PCDH7: variants seen among roughly 807,000 people sequenced by gnomAD.
PCDH7 encodes the protein protocadherin-7.
PCDH7 carries 17 observed loss-of-function variants against 58.9 expected under a neutral mutation model. That is an observed-to-expected ratio of 0.29 (90% CI 0.20 to 0.43). The LOEUF is 0.43. Among genes scored for constraint, PCDH7 ranks in the 20% least tolerant of loss-of-function variants. The pLI is 1.00. For missense variants in PCDH7, 1,274 were observed against 1,441.0 expected (o/e 0.88, Z 1.88); for synonymous variants, 664 against 616.4 (o/e 1.08, Z -1.14).
intron 1 of PCDH7, among the ~76,000 whole-genome samples, chr4:30,875,772 T>G (rs1412257254): frequency 6.6e-6 from 1 of 152,108 alleles, no homozygotes; most frequent in Non-Finnish European, 1.5e-5. Flanking sequence ...AAGTGAACAT[T>G]ATTCATCCAA....
intron 2 of PCDH7, chr4:30,925,777 T>C (rs1290104543): frequency 6.6e-6 from 1 of 152,186 alleles, no homozygotes; most frequent in East Asian, 1.9e-4. Flanking sequence ...ATAGAGACTG[T>C]CTCTAAGCCA....
intron 3 of PCDH7, among the ~76,000 whole-genome samples, chr4:31,035,247 CTTTTT>C (rs35099580): frequency 4.0e-5 from 4 of 99,376 alleles, no homozygotes; most frequent in South Asian, 3.8e-4. Context: ...CCTTTTTTCC[CTTTTT>C]TTTTTTTTTT....
chr4:31,026,756 A>T (rs1378476921), intron 3 of PCDH7, among the ~76,000 whole-genome samples: 1 of 132,390 alleles, frequency 7.6e-6, no homozygotes, highest in Non-Finnish European at 1.8e-5. Context: ...CTTTGGGGGG[A>T]AAAAACCTGC....
chr4:30,883,961 G>T (rs566863356), intron 1 of PCDH7, among the ~76,000 whole-genome samples: 5 of 152,064 alleles, frequency 3.3e-5, no homozygotes, highest in Non-Finnish European at 5.9e-5. Flanking sequence ...TTGACAAATT[G>T]GTTCCTTTAA....
intron 3 of PCDH7, among the ~76,000 whole-genome samples, chr4:31,077,189 T>C (rs563063831): frequency 2.6e-5 from 4 of 152,146 alleles, no homozygotes; most frequent in African/African-American, 9.6e-5. Flanking sequence ...GGCGAGCAGA[T>C]CACCTGAGGT....
intron 1 of PCDH7, among the ~76,000 whole-genome samples, chr4:30,873,444 T>C (rs1472501411): frequency 6.6e-6 from 1 of 152,156 alleles, no homozygotes; most frequent in Admixed American, 6.6e-5. Flanking sequence ...GGCTACCCAA[T>C]GTTATGTTAA....
Position 30,887,506 on chromosome 4 carries a change from G to A in PCDH7, c.71-32647G>A, listed in dbSNP as rs1024539829. 2.6e-5 allele frequency among the ~76,000 whole-genome samples: 4 copies of A among 152,272 alleles called. 1 individual carries two copies. The highest frequency in any genetic ancestry group is 2.1e-4 in the South Asian group (1 of 4,828). ...CATTATCAAGCCCTCCAAATGGAATGGAGGGCTACAGCAAAAGGTAGACAC... is the reference window on the plus strand; with the variant it reads ...CATTATCAAGCCCTCCAAATGGAATAGAGGGCTACAGCAAAAGGTAGACAC... On this transcript the variant is annotated intron_variant, in intron 1 of 3. Transcript: ENST00000509759.
intron 1 of PCDH7, among the ~76,000 whole-genome samples, chr4:30,874,113 C>T (rs534521992): frequency 2.6e-5 from 4 of 152,086 alleles, no homozygotes; most frequent in African/African-American, 4.8e-5. Context: ...TAAACTAGTT[C>T]GACCATTGTG....
At chr4:31,135,338 T>C (rs1157659224) in intron 3 of PCDH7, among the ~76,000 whole-genome samples, 1 of 152,172 alleles carries the variant, frequency 6.6e-6, no homozygotes, top group Non-Finnish European at 1.5e-5. Flanking sequence ...TAACTCCAAA[T>C]AATACATCAT....
intron 2 of PCDH7, among the ~76,000 whole-genome samples, chr4:30,938,486 AC>A (rs1745621954): frequency 1.3e-5 from 2 of 150,248 alleles, no homozygotes; most frequent in Non-Finnish European, 3.0e-5. Flanking sequence ...AAACATACAC[AC>A]ACACACACAC....
At chr4:31,077,746 A>G (rs1759127533) in intron 3 of PCDH7, among the ~76,000 whole-genome samples, 1 of 152,192 alleles carries the variant, frequency 6.6e-6, no homozygotes, top group Admixed American at 6.5e-5. Context: ...CACATTTTAT[A>G]TGACAAGATG....
chr4:30,915,647 C>G (rs1742358098), intron 1 of PCDH7, among the ~76,000 whole-genome samples: 1 of 152,080 alleles, frequency 6.6e-6, no homozygotes, highest in Non-Finnish European at 1.5e-5. Flanking sequence ...CCTCAACCTC[C>G]CAAGTAGCTG....
intron 1 of PCDH7, among the ~76,000 whole-genome samples, chr4:30,825,499 C>T (rs1197384807): frequency 6.6e-6 from 1 of 152,106 alleles, no homozygotes; most frequent in African/African-American, 2.4e-5. Context: ...ATCAAAACCA[C>T]ATGCTTCATT....
chr4:30,840,923 T>G (rs867175413), intron 1 of PCDH7, among the ~76,000 whole-genome samples: 1 of 152,026 alleles, frequency 6.6e-6, no homozygotes, highest in Non-Finnish European at 1.5e-5. Flanking sequence ...AAGAGTTTGC[T>G]TTCTCATATT....
At chr4:31,061,892 T>A (rs1757718369) in intron 3 of PCDH7, among the ~76,000 whole-genome samples, 1 of 151,734 alleles carries the variant, frequency 6.6e-6, no homozygotes, top group Admixed American at 6.6e-5. Context: ...ACACAGAGAC[T>A]TTGTTTATTG....
chr4:31,017,355 T>G (rs1753696726), intron 3 of PCDH7, among the ~76,000 whole-genome samples: 1 of 152,208 alleles, frequency 6.6e-6, no homozygotes, highest in Admixed American at 6.5e-5. Context: ...TGATAAGGGC[T>G]ATACTGTAAG....
intron 3 of PCDH7, among the ~76,000 whole-genome samples, chr4:31,073,389 A>T (rs1758717238): frequency 6.6e-6 from 1 of 152,210 alleles, no homozygotes; most frequent in African/African-American, 2.4e-5. Context: ...AGAGATTATA[A>T]TGTGTCAATC....
chr4:30,866,489 A>T (rs1273636975), intron 1 of PCDH7, among the ~76,000 whole-genome samples: 1 of 152,074 alleles, frequency 6.6e-6, no homozygotes, highest in East Asian at 1.9e-4. Flanking sequence ...TTTGACTTAG[A>T]TCTTTTTAAT....
At chr4:30,957,602 G>C (rs1222027199) in intron 3 of PCDH7, among the ~76,000 whole-genome samples, 7 of 152,000 alleles carry the variant, frequency 4.6e-5, no homozygotes, top group Admixed American at 4.6e-4. Flanking sequence ...TGTTTTAAAA[G>C]GTGTTTTGGA....
Sources: allele counts gnomAD v4.1 joint callset (sites outside exome capture counted in the v4.1 genomes callset), GRCh38; gene constraint gnomAD v4.1.1; transcripts MANE v1.5; gene names NCBI Gene and HGNC (gene_info 2026-07-23, HGNC 2026-07-21).